The following TMED5 variants were observed in gnomAD, a reference collection of about 807,000 sequenced individuals.
TMED5 encodes the protein transmembrane p24 trafficking protein 5.
Under a neutral mutation model 23.0 loss-of-function variants are expected in TMED5, and 27 were observed. The ratio of observed to expected loss-of-function variants is 1.17; its 90% confidence interval spans 0.86 to 1.62. The LOEUF (loss-of-function observed/expected upper bound fraction) is 1.62, where lower values mean the gene tolerates loss of function less well. Ranked by LOEUF, TMED5 falls within the 40% of genes most tolerant of loss-of-function variation. The pLI, the probability that TMED5 is intolerant of heterozygous loss-of-function variation, is 0.00. For synonymous variants in TMED5, 97 were observed against 100.8 expected (o/e 0.96, Z 0.23); for missense variants, 248 against 273.7 (o/e 0.91, Z 0.66).
At chr1:93,172,194 T>A (rs534678597) in intron 1 of TMED5, among the ~76,000 whole-genome samples, 3 of 152,146 alleles carry the variant, frequency 2.0e-5, no homozygotes, top group Non-Finnish European at 4.4e-5. Context: ...TACTCAGCAC[T>A]ATACTGGAAG....
chr1:93,154,688 C>T lies in TMED5; in HGVS notation c.672G>A (p.Lys224=), dbSNP rs1237458486. The T allele has an allele frequency of 6.2e-7, 1 of 1,613,234 alleles. No homozygotes were observed. Among genetic ancestry groups the T allele is most frequent in the Admixed American group, 1.7e-5 (1 of 59,990 alleles). Residue 224 remains lysine (K), a synonymous_variant, in exon 4 of 4, where the codon AAG becomes AAA. Coordinates refer to ENST00000370282, the MANE Select transcript of TMED5 (RefSeq NM_016040.5). ...VYMLKSLFED[K]RKSRT Reference sequence around the variant, plus strand: ...TGGAGTTTTAAGTTCTACTTTTCCTCTTATCTTCAAACAGACTCTTCAGCA... The same window carrying T: ...TGGAGTTTTAAGTTCTACTTTTCCTTTTATCTTCAAACAGACTCTTCAGCA...
intron 1 of TMED5, among the ~76,000 whole-genome samples, chr1:93,171,844 CAA>C (rs1201519210): frequency 6.6e-6 from 1 of 152,138 alleles, no homozygotes; most frequent in Non-Finnish European, 1.5e-5. Context: ...ACAATGTAAA[CAA>C]AGAATTACAA....
At chr1:93,169,909 A>ACACACACT (rs1648648660) in intron 1 of TMED5, among the ~76,000 whole-genome samples, 1 of 151,386 alleles carries the variant, frequency 6.6e-6, no homozygotes, top group Non-Finnish European at 1.5e-5. Flanking sequence ...ACACACACAC[A>ACACACACT]CACACACACA....
Position 93,175,208 on chromosome 1 carries a change from C to A in TMED5, c.189+4846G>T, listed in dbSNP as rs545092896. 6.7e-3 allele frequency among the ~76,000 whole-genome samples: 690 copies of A among 102,298 alleles called. 4 individuals are homozygous for A. The highest frequency in any genetic ancestry group is 0.034 in the African/African-American group (508 of 15,008). 67.1% of individuals were successfully genotyped at this position (102,298 alleles called of 152,430 possible). ...ATATATATATATATATATAAATGGA[C>A]CTCAAAGGTATCTTTCACTCTTCTT... On this transcript the variant is annotated intron_variant, in intron 1 of 3. Transcript: ENST00000370282.
chr1:93,170,461 G>A (rs552110528), intron 1 of TMED5, among the ~76,000 whole-genome samples: 71 of 152,312 alleles, frequency 4.7e-4, no homozygotes, highest in South Asian at 4.1e-3. Context: ...GCCTCCCCGC[G>A]GGGCAGGGCT....
In TMED5 at chr1:93,153,985, A is replaced by G. The variant is rs553416236; in HGVS notation, c.*685T>C. ...CATTTCAAAGAGAAAACATGTCCTAATTTTAGTAAGTGTAACTTTGTGTTT... is the reference window on the plus strand; with the variant it reads ...CATTTCAAAGAGAAAACATGTCCTAGTTTTAGTAAGTGTAACTTTGTGTTT... On this transcript the variant is annotated 3_prime_UTR_variant, in exon 4 of 4. Transcript: ENST00000370282. 3.9e-5 allele frequency: 6 copies of G among 152,684 alleles called. No individual in the cohort carries two copies. The East Asian group carries it at 1.2e-3, about 29-fold the overall frequency. 9.5% of individuals were successfully genotyped at this position (152,684 alleles called of 1,614,324 possible).
In TMED5 at chr1:93,153,218, A is replaced by G. The variant is rs760169221; in HGVS notation, c.*1452T>C. On this transcript the variant is annotated 3_prime_UTR_variant, in exon 4 of 4. Transcript: ENST00000370282. ...GAAGTTAAATTACTAGTACTTGAGT[A>G]AGACCCCCATAGACTTCAAAAAGCT... is the stretch of plus-strand genomic sequence containing the variant. 1 of 152,472 alleles carries G rather than the reference A, an allele frequency of 6.6e-6. No homozygotes were observed. The highest frequency in any genetic ancestry group is 2.4e-5 in the African/African-American group (1 of 41,462). 9.4% of individuals were successfully genotyped at this position (152,472 alleles called of 1,614,324 possible). A position where few individuals can be genotyped will look rare whatever the true frequency, so the allele number is the denominator to read the frequency against.
At position 93,153,142 on chromosome 1, in the gene TMED5, T is replaced by TAAAC. The variant is rs1396976126; in HGVS notation, c.*1524_*1527dup. ...TTGTTTCTAACTCACAATGTAGTCA[T>TAAAC]AAACAACGTTATAAATGGGCATAAC... On this transcript the variant is annotated 3_prime_UTR_variant, in exon 4 of 4. Coordinates refer to ENST00000370282, the MANE Select transcript of TMED5 (RefSeq NM_016040.5). The TAAAC allele has an allele frequency of 6.6e-6, 1 of 152,602 alleles. No individual in the cohort carries two copies. The highest frequency in any genetic ancestry group is 1.5e-5 in the Non-Finnish European group (1 of 68,008). 9.5% of individuals were successfully genotyped at this position (152,602 alleles called of 1,614,324 possible). A position where few individuals can be genotyped will look rare whatever the true frequency, so the allele number is the denominator to read the frequency against.
chr1:93,158,058 AG>A (rs1028106740), intron 2 of TMED5, among the ~76,000 whole-genome samples: 1 of 145,568 alleles, frequency 6.9e-6, no homozygotes, highest in Non-Finnish European at 1.5e-5. Context: ...CAGGAGGCGG[AG>A]CTTGCAGTGA....
In TMED5 at chr1:93,177,469, C is replaced by T. The variant is rs765658102; in HGVS notation, c.189+2585G>A. 2.7e-5 allele frequency among the ~76,000 whole-genome samples: 4 copies of T among 150,000 alleles called. No homozygotes were observed. In the South Asian group the frequency reaches 8.4e-4, roughly 32 times the overall value. ...GGCACATGCCTGTAATCCAGCTACT[C>T]GGGAAGCTGAGGCGGGAGAATCACT... On this transcript the variant is annotated intron_variant, in intron 1 of 3. Coordinates refer to ENST00000370282, the MANE Select transcript of TMED5 (RefSeq NM_016040.5).
At chr1:93,171,426 A>T (rs1318270264) in intron 1 of TMED5, among the ~76,000 whole-genome samples, 2 of 152,250 alleles carry the variant, frequency 1.3e-5, no homozygotes, top group African/African-American at 4.8e-5. Flanking sequence ...GTGGAACATT[A>T]TTAATAAATC....
chr1:93,169,128 A>G (rs1016075724), intron 1 of TMED5, among the ~76,000 whole-genome samples: 22 of 152,200 alleles, frequency 1.4e-4, no homozygotes, highest in Non-Finnish European at 3.1e-4. Flanking sequence ...TAATCAATCC[A>G]ATGATGGCAG....
chr1:93,171,006 T>C (rs1648710371), intron 1 of TMED5, among the ~76,000 whole-genome samples: 1 of 152,172 alleles, frequency 6.6e-6, no homozygotes, highest in South Asian at 2.1e-4. Context: ...AGTGGCAACC[T>C]GCTGGGGTCC....
intron 1 of TMED5, chr1:93,163,056 G>C (rs1395696497): frequency 1.3e-5 from 2 of 151,762 alleles, no homozygotes; most frequent in Non-Finnish European, 2.9e-5. Context: ...CTCCAGCCTG[G>C]GCAATACAGT....
chr1:93,170,873 C>T (rs1249051266), intron 1 of TMED5, among the ~76,000 whole-genome samples: 5 of 152,126 alleles, frequency 3.3e-5, no homozygotes, highest in Admixed American at 2.6e-4. Context: ...CAATCAGCAC[C>T]CTGTCAAAAC....
At chr1:93,173,629 G>A (rs1648804334) in intron 1 of TMED5, among the ~76,000 whole-genome samples, 1 of 152,214 alleles carries the variant, frequency 6.6e-6, no homozygotes. Flanking sequence ...ATCTGTCAGT[G>A]AAGAATTCTT....
At chr1:93,167,838 C>G (rs1648563251) in intron 1 of TMED5, among the ~76,000 whole-genome samples, 1 of 152,160 alleles carries the variant, frequency 6.6e-6, no homozygotes, top group South Asian at 2.1e-4. Context: ...TTCCAGATCT[C>G]AGAGGAAAGG....
Position 93,154,635 on chromosome 1 carries a change from T to A in TMED5, c.*35A>T. The A allele has an allele frequency of 1.3e-6, 2 of 1,505,896 alleles. No homozygotes were observed. The highest frequency in any genetic ancestry group is 2.3e-5 in the South Asian group (2 of 87,832). The allele number at this position is 1,505,896 out of a possible 1,614,324, so 93.3% of individuals were successfully genotyped here. ...TAACAGTTTATTGCATTTTTATGCC[T>A]CATTTTTCAATGTTACGTACTCTAG... On this transcript the variant is annotated 3_prime_UTR_variant, in exon 4 of 4. Coordinates refer to ENST00000370282, the MANE Select transcript of TMED5 (RefSeq NM_016040.5).
Position 93,150,049 on chromosome 1 carries a change from G to A in TMED5, c.*4621C>T, listed in dbSNP as rs1316740908. 2 of 152,130 alleles carry A rather than the reference G, an allele frequency of 1.3e-5. No homozygotes were observed. The highest frequency in any genetic ancestry group is 6.5e-5 in the Admixed American group (1 of 15,268). 9.4% of individuals were successfully genotyped at this position (152,130 alleles called of 1,614,324 possible). On this transcript the variant is annotated 3_prime_UTR_variant, in exon 4 of 4. Coordinates refer to ENST00000370282, the MANE Select transcript of TMED5 (RefSeq NM_016040.5). The stretch of plus-strand genomic sequence containing the variant: ...TATAAATACTTCTAACATTTCACAT[G>A]TATATTTATGTAATCACCACAATCA...
Sources: gnomAD v4.1 joint callset for allele counts (sites outside exome capture counted in the v4.1 genomes callset) on GRCh38, gnomAD v4.1.1 for gene constraint, MANE v1.5 for transcripts, NCBI Gene and HGNC (gene_info 2026-07-23, HGNC 2026-07-21) for gene names.